Variants in PCDHA10 observed in about 807,000 individuals in gnomAD.
PCDHA10 encodes protocadherin alpha 10, also known as protocadherin alpha-10.
Under a neutral mutation model 61.2 loss-of-function variants are expected in PCDHA10, and 45 were observed. The ratio of observed to expected loss-of-function variants is 0.74; its 90% CI spans 0.58 to 0.94. The LOEUF is 0.94. Ranked by LOEUF, PCDHA10 falls within the 40% of genes least tolerant of loss-of-function variation. The pLI is 0.00. For synonymous variants in PCDHA10, 602 were observed against 548.8 expected, an observed-to-expected ratio of 1.10 and a Z score of -1.35; for missense variants, 1,278 against 1,236.2, an observed-to-expected ratio of 1.03 and a Z score of -0.51.
chr5:140,966,886 G>T, intron 1 of PCDHA10: 1 of 1,592,132 alleles, frequency 6.3e-7, no homozygotes. Context: ...CTGGCCCTGC[G>T]GCCTCCCAGC....
intron 1 of PCDHA10, chr5:140,862,930 C>T (rs1581662470): frequency 1.8e-6 from 1 of 542,144 alleles, no homozygotes; most frequent in East Asian, 4.9e-5. Flanking sequence ...GGGCTGGCGG[C>T]GCTGTGAGTG....
In PCDHA10 at chr5:140,969,495, C is replaced by T. The variant is rs1205771172; in HGVS notation, c.2389-9454C>T. On this transcript the variant is annotated intron_variant, in intron 1 of 3. Transcript: ENST00000307360. The stretch of plus-strand genomic sequence containing the variant: ...TTGATCATAATCTGCTATTTCCTCT[C>T]TAGAAAAATAGCACTAAAGAATTGT... 10 of 1,437,770 alleles carry T rather than the reference C, an allele frequency of 7.0e-6. No homozygotes were observed. The African/African-American group carries it at 7.2e-5, about 10-fold the overall frequency. The allele number at this position is 1,437,770 out of a possible 1,614,324, so 89.1% of individuals were successfully genotyped here. A position where few individuals can be genotyped will look rare whatever the true frequency, so the allele number is the denominator to read the frequency against.
At chr5:141,001,896 C>T (rs2098042458) in intron 3 of PCDHA10, among the ~76,000 whole-genome samples, 1 of 152,142 alleles carries the variant, frequency 6.6e-6, no homozygotes, top group Admixed American at 6.5e-5. Flanking sequence ...GAAATCGGGG[C>T]TGTTTGAAAA....
At chr5:140,894,151 A>G (rs1554185957) in intron 1 of PCDHA10, among the ~76,000 whole-genome samples, 1 of 152,034 alleles carries the variant, frequency 6.6e-6, no homozygotes, top group Non-Finnish European at 1.5e-5. Flanking sequence ...CTTCTATGTA[A>G]TTATCCCTGA....
intron 1 of PCDHA10, chr5:140,968,189 TC>T: frequency 6.2e-7 from 1 of 1,614,034 alleles, no homozygotes; most frequent in Non-Finnish European, 8.5e-7. Context: ...GGACTCCTAT[TC>T]CATCTACATA....
intron 1 of PCDHA10, chr5:140,884,715 AGTT>A: frequency 6.8e-7 from 1 of 1,470,936 alleles, no homozygotes; most frequent in Non-Finnish European, 9.0e-7. Context: ...CCTTCCTTGC[AGTT>A]GTTTGTTTAA....
intron 1 of PCDHA10, among the ~76,000 whole-genome samples, chr5:140,896,714 T>C (rs1554187081): frequency 6.6e-6 from 1 of 152,180 alleles, no homozygotes; most frequent in African/African-American, 2.4e-5. Flanking sequence ...TGTTTTTTGC[T>C]TGTTAATTTG....
At chr5:141,005,868 G>T (rs1428789229) in intron 3 of PCDHA10, among the ~76,000 whole-genome samples, 1 of 152,078 alleles carries the variant, frequency 6.6e-6, no homozygotes, top group African/African-American at 2.4e-5. Flanking sequence ...GGTCGATTGA[G>T]TCCAGGAGTT....
At chr5:140,975,784 A>G (rs1216156931) in intron 1 of PCDHA10, among the ~76,000 whole-genome samples, 1 of 151,914 alleles carries the variant, frequency 6.6e-6, no homozygotes, top group Non-Finnish European at 1.5e-5. Flanking sequence ...CCATTACAAG[A>G]TAAATTAAAT....
intron 1 of PCDHA10, among the ~76,000 whole-genome samples, chr5:140,965,230 C>T (rs2095881666): frequency 6.6e-6 from 1 of 152,126 alleles, no homozygotes; most frequent in Non-Finnish European, 1.5e-5. Flanking sequence ...ATGTGAGAAC[C>T]TGGGAAGAGT....
Position 141,011,605 on chromosome 5 carries a change from T to C in PCDHA10, c.*1668T>C, listed in dbSNP as rs971128266. On this transcript the variant is annotated 3_prime_UTR_variant, in exon 4 of 4. Coordinates refer to ENST00000307360, the MANE Select transcript of PCDHA10 (RefSeq NM_018901.4). The stretch of plus-strand genomic sequence containing the variant: ...AAGATACTGGTGATTCAAGGAATTT[T>C]ATTTATGGTCCAGCCAAGAGCCATC... 4 of 153,780 alleles carry C rather than the reference T, an allele frequency of 2.6e-5. No homozygotes were observed. Among genetic ancestry groups the C allele is most frequent in the Non-Finnish European group, 4.4e-5 (3 of 68,032 alleles). 9.5% of individuals were successfully genotyped at this position (153,780 alleles called of 1,614,324 possible). A position where few individuals can be genotyped will look rare whatever the true frequency, so the allele number is the denominator to read the frequency against.
intron 1 of PCDHA10, chr5:140,876,785 C>T (rs1554168921): frequency 3.1e-6 from 5 of 1,614,206 alleles, no homozygotes; most frequent in Admixed American, 1.7e-5. Flanking sequence ...CTGTGGGCCA[C>T]GGCTAGAGTG....
In PCDHA10 at chr5:140,967,342, C is replaced by G. The variant is rs149890293; in HGVS notation, c.2389-11607C>G. On this transcript the variant is annotated intron_variant, in intron 1 of 3. Coordinates refer to ENST00000307360, the MANE Select transcript of PCDHA10 (RefSeq NM_018901.4). ...CCTACGAGCTCAGCCCCAGCGAGCACTTCGAGCTGGACCTTAAGCCCCTGC... is the reference window on the plus strand; with the variant it reads ...CCTACGAGCTCAGCCCCAGCGAGCAGTTCGAGCTGGACCTTAAGCCCCTGC... The G allele has an allele frequency of 1.9e-6, 3 of 1,607,992 alleles. No individual in the cohort carries two copies. In the African/African-American group the frequency reaches 4.0e-5, roughly 22 times the overall value.
At chr5:140,993,460 T>A (rs1416332490) in intron 3 of PCDHA10, among the ~76,000 whole-genome samples, 1 of 104,506 alleles carries the variant, frequency 9.6e-6, no homozygotes, top group Non-Finnish European at 1.9e-5. Context: ...CTTCTTTCTT[T>A]CTCACACACA....
chr5:140,912,640 T>C (rs181860319), intron 1 of PCDHA10, among the ~76,000 whole-genome samples: 5 of 152,296 alleles, frequency 3.3e-5, no homozygotes, highest in Non-Finnish European at 7.4e-5. Flanking sequence ...TTCAGTACTA[T>C]GTTGAATAGA....
At chr5:140,924,901 AAAAATAAAAT>A (rs10667761) in intron 1 of PCDHA10, among the ~76,000 whole-genome samples, 1,500 of 80,408 alleles carry the variant, frequency 0.019, 14 homozygotes, top group African/African-American at 0.052. Context: ...TCTCAAAAAA[AAAAATAAAAT>A]AAAATAAAAT....
chr5:140,890,419 A>G (rs1168983784), intron 1 of PCDHA10, among the ~76,000 whole-genome samples: 4 of 152,212 alleles, frequency 2.6e-5, no homozygotes, highest in Non-Finnish European at 5.9e-5. Context: ...ATATTTATTT[A>G]GTTTATATTT....
intron 1 of PCDHA10, among the ~76,000 whole-genome samples, chr5:140,916,305 G>T (rs2077519382): frequency 1.3e-5 from 2 of 152,156 alleles, no homozygotes; most frequent in South Asian, 2.1e-4. Context: ...TGGTACCAAA[G>T]GTGCAAGACA....
Position 140,857,895 on chromosome 5 carries a change from G to C in PCDHA10, c.1847G>C (p.Gly616Ala). 1.3e-6 allele frequency: 2 copies of C among 1,597,868 alleles called. 1 individual carries two copies. The highest frequency in any genetic ancestry group is 2.2e-5 in the South Asian group (2 of 90,498). ...TATGAATTGCAGTCGGCGGCGGTTG[G>C]TGCACGCATCCCGTTTCGCGTGGGG... Reference protein sequence around the residue: ...LSYELQSAAVGARIPFRVGLY... With the variant: ...LSYELQSAAVAARIPFRVGLY... The change falls in exon 1 of 4, where the codon GGT becomes GCT. Residue 616 changes from glycine (G) to alanine (A), a missense_variant. By Grantham distance (60) the Gly-to-Ala change is moderately conservative. Coordinates refer to ENST00000307360, the MANE Select transcript of PCDHA10 (RefSeq NM_018901.4).
Sources: gnomAD v4.1 joint callset for allele counts (sites outside exome capture counted in the v4.1 genomes callset) on GRCh38, gnomAD v4.1.1 for gene constraint, MANE v1.5 for transcripts, NCBI Gene and HGNC (gene_info 2026-07-23, HGNC 2026-07-21) for gene names.